Variants in INSYN2B observed in about 807,000 individuals in gnomAD.
The protein encoded by INSYN2B is inhibitory synaptic factor family member 2B.
A neutral mutation model predicts 41.2 loss-of-function variants in INSYN2B; 16 were observed. The observed-to-expected ratio is 0.39, with a 90% CI of 0.26 to 0.59. INSYN2B has a LOEUF of 0.59. Ranked by LOEUF, INSYN2B falls within the 20% of genes least tolerant of loss-of-function variation. The pLI, the probability that INSYN2B is intolerant of heterozygous loss-of-function variation, is 0.57. For missense variants in INSYN2B, 608 were observed against 646.4 expected (o/e 0.94, Z 0.64); for synonymous variants, 245 against 244.4 (o/e 1.00, Z -0.02).
chr5:169,926,374 C>G (rs1022930497), intron 1 of INSYN2B, among the ~76,000 whole-genome samples: 2 of 152,166 alleles, frequency 1.3e-5, no homozygotes, highest in African/African-American at 4.8e-5. Flanking sequence ...TATCCTCTAC[C>G]TTTTTCAACT....
At chr5:169,977,587 A>T (rs1175164544) in intron 1 of INSYN2B, among the ~76,000 whole-genome samples, 1 of 152,198 alleles carries the variant, frequency 6.6e-6, no homozygotes, top group Non-Finnish European at 1.5e-5. Context: ...CTAGTAAGAG[A>T]TACAGCTGAG....
At chr5:169,934,562 C>G (rs1177586517) in intron 1 of INSYN2B, 3 of 449,020 alleles carry the variant, frequency 6.7e-6, no homozygotes, top group Non-Finnish European at 1.3e-5. Flanking sequence ...TTCACACACA[C>G]CTGGATCTAA....
chr5:169,931,577 C>T (rs1451854701), intron 1 of INSYN2B, among the ~76,000 whole-genome samples: 1 of 152,168 alleles, frequency 6.6e-6, no homozygotes, highest in Non-Finnish European at 1.5e-5. Context: ...AATTTCATTT[C>T]AGTTACTTAT....
intron 1 of INSYN2B, among the ~76,000 whole-genome samples, chr5:169,924,704 T>G (rs989406385): frequency 6.6e-5 from 10 of 152,242 alleles, no homozygotes; most frequent in Admixed American, 3.3e-4. Flanking sequence ...TGAGAGGCTT[T>G]TTTTGAAGGA....
At chr5:169,881,281 C>T in intron 3 of INSYN2B, 87 bp downstream of exon 3, 1 of 1,139,916 alleles carries the variant, frequency 8.8e-7, no homozygotes, top group South Asian at 1.4e-5. Flanking sequence ...CCTCTCTTGA[C>T]TTTTTGCATT....
At chr5:169,911,555 T>C (rs1310997672) in intron 1 of INSYN2B, among the ~76,000 whole-genome samples, 2 of 152,224 alleles carry the variant, frequency 1.3e-5, no homozygotes, top group Non-Finnish European at 2.9e-5. Context: ...GATAAAACTT[T>C]AGGAGTAATT....
intron 3 of INSYN2B, among the ~76,000 whole-genome samples, chr5:169,871,651 T>G (rs261021): frequency 0.81 from 123,227 of 152,232 alleles, 50,755 homozygotes; most frequent in African/African-American, 0.94. Flanking sequence ...TGGACTGAAA[T>G]AACATAGTAA....
At chr5:169,911,438 T>C (rs190219226) in intron 1 of INSYN2B, among the ~76,000 whole-genome samples, 19 of 152,302 alleles carry the variant, frequency 1.2e-4, no homozygotes, top group African/African-American at 4.6e-4. Context: ...CACTGAGCTG[T>C]ACATAAGATT....
intron 1 of INSYN2B, among the ~76,000 whole-genome samples, chr5:169,943,267 C>T (rs1776312191): frequency 6.6e-6 from 1 of 152,046 alleles, no homozygotes; most frequent in Non-Finnish European, 1.5e-5. Context: ...TTGAAGAAAA[C>T]CCAGGATTCT....
intron 1 of INSYN2B, among the ~76,000 whole-genome samples, chr5:169,937,072 T>A (rs923670850): frequency 6.6e-6 from 1 of 152,174 alleles, no homozygotes; most frequent in Non-Finnish European, 1.5e-5. Flanking sequence ...GGCAGAGTAA[T>A]TGGTAGGTGA....
chr5:169,930,277 AC>A (rs1204485628), intron 1 of INSYN2B, among the ~76,000 whole-genome samples: 1 of 152,200 alleles, frequency 6.6e-6, no homozygotes, highest in African/African-American at 2.4e-5. Context: ...GGCTTGAGCC[AC>A]CGCACCTGGC....
At chr5:169,899,178 G>C (rs1423779931) in intron 1 of INSYN2B, among the ~76,000 whole-genome samples, 1 of 152,190 alleles carries the variant, frequency 6.6e-6, no homozygotes, top group African/African-American at 2.4e-5. Context: ...TAGCAAAGAG[G>C]AGAATGATGA....
chr5:169,939,447 T>C (rs1344820265), intron 1 of INSYN2B, among the ~76,000 whole-genome samples: 3 of 152,178 alleles, frequency 2.0e-5, no homozygotes, highest in African/African-American at 7.2e-5. Flanking sequence ...TAATTTTTAT[T>C]AGTAGAAGGA....
At chr5:169,873,067 C>G (rs965623161) in intron 3 of INSYN2B, among the ~76,000 whole-genome samples, 1 of 152,186 alleles carries the variant, frequency 6.6e-6, no homozygotes. Context: ...TTTGTTATTC[C>G]TCTGAAATAT....
chr5:169,908,713 C>CTTTTTTTT (rs34261104), intron 1 of INSYN2B, among the ~76,000 whole-genome samples: 62 of 105,062 alleles, frequency 5.9e-4, no homozygotes, highest in Non-Finnish European at 8.0e-4. Flanking sequence ...TTTCTTTTTT[C>CTTTTTTTT]TTTTTTTTTT....
intron 1 of INSYN2B, among the ~76,000 whole-genome samples, chr5:169,897,538 G>C (rs999543204): frequency 5.3e-5 from 8 of 152,146 alleles, no homozygotes; most frequent in Non-Finnish European, 7.3e-5. Flanking sequence ...AAGACATGAT[G>C]GTCCCTTTAA....
intron 1 of INSYN2B, among the ~76,000 whole-genome samples, chr5:169,946,329 G>A (rs1776447272): frequency 6.6e-6 from 1 of 152,194 alleles, no homozygotes; most frequent in Admixed American, 6.5e-5. Flanking sequence ...TGGTGTGTTT[G>A]CTCTCTAACT....
At chr5:169,865,368 A>G (rs1581314383) in intron 3 of INSYN2B, among the ~76,000 whole-genome samples, 1 of 152,220 alleles carries the variant, frequency 6.6e-6, no homozygotes, top group East Asian at 1.9e-4. Flanking sequence ...GTGGGTGCTG[A>G]TGCTGTCTGT....
chr5:169,942,458 C>CAGAT (rs1198074344), intron 1 of INSYN2B, among the ~76,000 whole-genome samples: 2 of 152,200 alleles, frequency 1.3e-5, no homozygotes, highest in African/African-American at 2.4e-5. Flanking sequence ...ATGAGCCACA[C>CAGAT]AGATGTTCAA....
Sources: gnomAD v4.1 joint callset for allele counts (sites outside exome capture counted in the v4.1 genomes callset) on GRCh38, gnomAD v4.1.1 for gene constraint, MANE v1.5 for transcripts, NCBI Gene and HGNC (gene_info 2026-07-23, HGNC 2026-07-21) for gene names.